The following DDAH1 variants were observed in gnomAD, a reference collection of about 807,000 sequenced individuals.
DDAH1 encodes dimethylarginine dimethylaminohydrolase 1.
Under a neutral mutation model 28.8 loss-of-function variants are expected in DDAH1, and 19 were observed. The observed-to-expected ratio is 0.66, with a 90% CI of 0.46 to 0.97. DDAH1 has a LOEUF of 0.97. Among genes scored for constraint, DDAH1 ranks in the 50% least tolerant of loss-of-function variants. DDAH1 has a pLI of 0.00. For synonymous variants in DDAH1, 153 were observed against 154.4 expected (o/e 0.99, Z 0.07); for missense variants, 326 against 375.9 (o/e 0.87, Z 1.10).
intron 1 of DDAH1, among the ~76,000 whole-genome samples, chr1:85,363,237 T>C (rs1311057486): frequency 1.3e-5 from 2 of 152,206 alleles, no homozygotes; most frequent in Non-Finnish European, 2.9e-5. Context: ...TTAAAGAATA[T>C]GCACCAATCT....
chr1:85,473,816 A>C (rs912733849), intron 2 of DDAH1, among the ~76,000 whole-genome samples: 27 of 152,044 alleles, frequency 1.8e-4, no homozygotes, highest in African/African-American at 6.3e-4. Flanking sequence ...TCTAGCCTCC[A>C]TCTCTTTTCT....
At chr1:85,357,262 G>C (rs1332699773) in intron 2 of DDAH1, among the ~76,000 whole-genome samples, 1 of 152,032 alleles carries the variant, frequency 6.6e-6, no homozygotes, top group Non-Finnish European at 1.5e-5. Flanking sequence ...GGGTTCAATG[G>C]GCATGCAAAC....
chr1:85,362,783 A>C (rs1196934085), intron 1 of DDAH1, among the ~76,000 whole-genome samples: 1 of 152,190 alleles, frequency 6.6e-6, no homozygotes, highest in Non-Finnish European at 1.5e-5. Flanking sequence ...GTAGTTGATG[A>C]TATTATTATT....
intron 2 of DDAH1, among the ~76,000 whole-genome samples, chr1:85,353,725 A>G (rs921065521): frequency 2.2e-4 from 34 of 152,176 alleles, no homozygotes; most frequent in African/African-American, 7.7e-4. Context: ...ATAACTTTTA[A>G]GAAAATCTTT....
chr1:85,552,303 C>A (rs1039837014), intron 1 of DDAH1, among the ~76,000 whole-genome samples: 1 of 152,192 alleles, frequency 6.6e-6, no homozygotes, highest in Non-Finnish European at 1.5e-5. Context: ...TTCCACACTG[C>A]TATCAGAGTT....
At chr1:85,398,192 G>C (rs1378813599) in intron 1 of DDAH1, among the ~76,000 whole-genome samples, 1 of 152,040 alleles carries the variant, frequency 6.6e-6, no homozygotes. Context: ...GTGATGAGAG[G>C]TTTTTAAAAG....
At chr1:85,384,853 T>C (rs955635515) in intron 1 of DDAH1, among the ~76,000 whole-genome samples, 1 of 152,202 alleles carries the variant, frequency 6.6e-6, no homozygotes, top group Admixed American at 6.5e-5. Context: ...CTTGGTGACA[T>C]TGGCATGAAA....
At chr1:85,332,010 T>A (rs1055687115) in intron 4 of DDAH1, among the ~76,000 whole-genome samples, 4 of 152,184 alleles carry the variant, frequency 2.6e-5, no homozygotes, top group African/African-American at 9.6e-5. Context: ...TGTTCCCATG[T>A]TGACTGCTGA....
chr1:85,553,350 C>G (rs1174009399), intron 1 of DDAH1, among the ~76,000 whole-genome samples: 2 of 152,206 alleles, frequency 1.3e-5, no homozygotes, highest in African/African-American at 4.8e-5. Flanking sequence ...ACTGGAAAAG[C>G]CAGAGAGTGA....
chr1:85,500,045 TTCTTTCTC>T (rs1656737971), intron 1 of DDAH1, among the ~76,000 whole-genome samples: 1 of 129,384 alleles, frequency 7.7e-6, no homozygotes, highest in South Asian at 2.7e-4. Flanking sequence ...CCCTTCCCCT[TTCTTTCTC>T]TCTCTTTTCT....
chr1:85,570,203 CT>C (rs894313934), intron 1 of DDAH1, among the ~76,000 whole-genome samples: 1 of 152,188 alleles, frequency 6.6e-6, no homozygotes, highest in Non-Finnish European at 1.5e-5. Context: ...CCTCTGACCC[CT>C]GCATTCTTTC....
chr1:85,426,921 C>A (rs201355544), intron 1 of DDAH1, among the ~76,000 whole-genome samples: 4,363 of 120,036 alleles, frequency 0.036, no homozygotes, highest in African/African-American at 0.048. Context: ...TTAAAAAAAA[C>A]AAAAAAAAAA....
At position 85,503,518 on chromosome 1, in the gene DDAH1, CATCTATCTATCTATCTATCTATCTATCT is replaced by C. The variant is rs61426289; in HGVS notation, c.-122-7265_-122-7238del. ...CACCCGGCTGATGTTCTTTAAAGTTCATCTATCTATCTATCTATCTATCTATCTATCTATCTATCTATCTATCTATCCA... is the reference window on the plus strand; with the variant it reads ...CACCCGGCTGATGTTCTTTAAAGTTCATCTATCTATCTATCTATCTATCCA... On this transcript the variant is annotated intron_variant, in intron 1 of 6. Transcript: ENST00000426972. 9.0e-3 allele frequency among the ~76,000 whole-genome samples: 1,294 copies of C among 144,112 alleles called. 11 individuals are homozygous for C. Among genetic ancestry groups the C allele is most frequent in the Non-Finnish European group, 0.014 (951 of 65,714 alleles). 94.5% of individuals were successfully genotyped at this position (144,112 alleles called of 152,430 possible).
chr1:85,366,667 T>C (rs1481692426), intron 1 of DDAH1, among the ~76,000 whole-genome samples: 1 of 152,132 alleles, frequency 6.6e-6, no homozygotes, highest in East Asian at 1.9e-4. Flanking sequence ...TAAAGTATTC[T>C]GGTGTTTAAC....
intron 1 of DDAH1, among the ~76,000 whole-genome samples, chr1:85,368,316 G>A (rs951741543): frequency 1.3e-5 from 2 of 152,150 alleles, no homozygotes; most frequent in African/African-American, 4.8e-5. Context: ...AATGTGGAAG[G>A]CAAACCCACG....
intron 4 of DDAH1, among the ~76,000 whole-genome samples, chr1:85,326,486 T>A (rs1224366070): frequency 6.6e-6 from 1 of 152,226 alleles, no homozygotes; most frequent in Non-Finnish European, 1.5e-5. Flanking sequence ...AGAGGTCAAA[T>A]AACTTGCTTT....
chr1:85,375,236 T>G (rs1650598711), intron 1 of DDAH1, among the ~76,000 whole-genome samples: 1 of 152,064 alleles, frequency 6.6e-6, no homozygotes, highest in Admixed American at 6.6e-5. Context: ...GAAAGTAACT[T>G]TACAACTGCA....
chr1:85,378,779 T>C (rs1650815888), intron 1 of DDAH1, among the ~76,000 whole-genome samples: 1 of 152,148 alleles, frequency 6.6e-6, no homozygotes, highest in South Asian at 2.1e-4. Context: ...GCAAATGAAG[T>C]AAGCATCCAG....
chr1:85,354,113 T>C (rs1649370378), intron 2 of DDAH1, among the ~76,000 whole-genome samples: 1 of 152,160 alleles, frequency 6.6e-6, no homozygotes, highest in South Asian at 2.1e-4. Context: ...CTAAATTTTT[T>C]TGATGTCTTT....
Sources: allele counts gnomAD v4.1 joint callset (sites outside exome capture counted in the v4.1 genomes callset), GRCh38; gene constraint gnomAD v4.1.1; transcripts MANE v1.5; gene names NCBI Gene and HGNC (gene_info 2026-07-23, HGNC 2026-07-21).